Variants in RIMS1 observed in about 807,000 individuals in gnomAD.
RIMS1 encodes the protein regulating synaptic membrane exocytosis 1, also known as regulating synaptic membrane exocytosis protein 1.
In RIMS1, 83 loss-of-function variants were observed where a neutral mutation model predicts 214.1. The observed-to-expected ratio is 0.39, with a 90% CI of 0.32 to 0.47. The LOEUF is 0.47. Ranked by LOEUF, RIMS1 falls within the 20% of genes least tolerant of loss-of-function variation. The probability of loss-of-function intolerance (pLI) is 0.99; values close to 1 mark genes in which losing one functional copy is unlikely to be tolerated. For missense variants in RIMS1, 2,050 were observed against 2,161.8 expected, an observed-to-expected ratio of 0.95 and a Z score of 1.03; for synonymous variants, 793 against 786.8, an observed-to-expected ratio of 1.01 and a Z score of -0.13.
intron 29 of RIMS1, among the ~76,000 whole-genome samples, chr6:72,386,727 CTTTCTTT>C (rs2098609364): frequency 7.0e-6 from 1 of 142,566 alleles, no homozygotes; most frequent in African/African-American, 2.6e-5. Context: ...GTTTCACTGT[CTTTCTTT>C]TTTTTTTTTT....
At chr6:72,065,165 C>T (rs868516690) in intron 2 of RIMS1, among the ~76,000 whole-genome samples, 6 of 152,070 alleles carry the variant, frequency 3.9e-5, no homozygotes, top group Non-Finnish European at 5.9e-5. Flanking sequence ...AAAAAGAGAG[C>T]GATTTGGAGC....
chr6:72,172,732 C>T (rs1459411775), intron 4 of RIMS1, among the ~76,000 whole-genome samples: 2 of 152,192 alleles, frequency 1.3e-5, no homozygotes, highest in African/African-American at 2.4e-5. Context: ...CTCCCTTTAG[C>T]TAAATTCCTT....
intron 4 of RIMS1, among the ~76,000 whole-genome samples, chr6:72,163,094 T>G (rs767538507): frequency 1.4e-5 from 2 of 138,640 alleles, no homozygotes; most frequent in African/African-American, 2.5e-5. Flanking sequence ...TTTCTTTTTA[T>G]TATTTTTTTC....
intron 2 of RIMS1, among the ~76,000 whole-genome samples, chr6:71,985,456 C>T (rs1205345283): frequency 1.3e-5 from 2 of 152,006 alleles, no homozygotes; most frequent in East Asian, 3.9e-4. Flanking sequence ...CACCAACTTC[C>T]TAATTATTTT....
intron 28 of RIMS1, among the ~76,000 whole-genome samples, chr6:72,325,434 A>G (rs1338560070): frequency 1.3e-5 from 2 of 151,144 alleles, no homozygotes; most frequent in East Asian, 3.9e-4. Flanking sequence ...CCACTAAAAG[A>G]ACCTAGAAGT....
intron 29 of RIMS1, among the ~76,000 whole-genome samples, chr6:72,382,791 A>G (rs2098514348): frequency 1.3e-5 from 2 of 152,184 alleles, no homozygotes; most frequent in Admixed American, 6.5e-5. Context: ...TCCTGGCTTG[A>G]AATACAACTA....
At chr6:72,097,229 G>A in intron 3 of RIMS1, 67 bp downstream of exon 3, 1 of 1,329,926 alleles carries the variant, frequency 7.5e-7, no homozygotes, top group Non-Finnish European at 1.1e-6. Context: ...TTCCAAACAT[G>A]AGAACACGTG....
chr6:72,370,298 A>T (rs2098175541), intron 29 of RIMS1, among the ~76,000 whole-genome samples: 1 of 152,230 alleles, frequency 6.6e-6, no homozygotes, highest in South Asian at 2.1e-4. Flanking sequence ...TCCAAATCTC[A>T]GGTATTTCAA....
rs552141228 is a variant in RIMS1 at position 72,345,351 on chromosome 6, TA to T, written c.4366+11520del. ...TATGCATTTGTATTATTAATATTGA[TA>T]AAACCATTAGCAATAATAGTTGTGA... On this transcript the variant is annotated intron_variant, in intron 29 of 33. Coordinates refer to ENST00000521978, the MANE Select transcript of RIMS1 (RefSeq NM_014989.7). Among the ~76,000 whole-genome samples the T allele has an allele frequency of 4.3e-4, 66 of 151,938 alleles. No homozygotes were observed. In the South Asian group the frequency reaches 0.013, roughly 31 times the overall value.
At chr6:72,037,598 A>G (rs1009869479) in intron 2 of RIMS1, among the ~76,000 whole-genome samples, 1 of 152,114 alleles carries the variant, frequency 6.6e-6, no homozygotes, top group African/African-American at 2.4e-5. Context: ...ATGAGTTTGG[A>G]CATATGTGTA....
chr6:72,215,720 G>A (rs570299730), intron 6 of RIMS1, among the ~76,000 whole-genome samples: 9 of 152,172 alleles, frequency 5.9e-5, no homozygotes, highest in East Asian at 1.9e-4. Flanking sequence ...AAGCATAGGC[G>A]GAAGTTTGGG....
intron 2 of RIMS1, among the ~76,000 whole-genome samples, chr6:72,025,035 C>G (rs929110409): frequency 4.6e-5 from 7 of 150,920 alleles, no homozygotes; most frequent in Non-Finnish European, 8.8e-5. Flanking sequence ...CCCAGAGTAG[C>G]TGGGACTACA....
At chr6:72,227,707 A>G (rs1450594337) in intron 6 of RIMS1, among the ~76,000 whole-genome samples, 1 of 151,990 alleles carries the variant, frequency 6.6e-6, no homozygotes, top group African/African-American at 2.4e-5. Flanking sequence ...TCAAACAAAT[A>G]TTTAATCACT....
intron 26 of RIMS1, among the ~76,000 whole-genome samples, 172 bp from the exon 27 acceptor site, chr6:72,307,086 T>G (rs1352980345): frequency 1.3e-5 from 2 of 152,220 alleles, no homozygotes; most frequent in African/African-American, 2.4e-5. Context: ...CATCTTTAGA[T>G]TAACAGTTGC....
chr6:72,310,732 T>C (rs1421058104), intron 27 of RIMS1, among the ~76,000 whole-genome samples: 1 of 152,116 alleles, frequency 6.6e-6, no homozygotes. Flanking sequence ...AATATTAAAT[T>C]GTTACATTCA....
At chr6:72,275,120 GTATA>G (rs10526446) in intron 23 of RIMS1, among the ~76,000 whole-genome samples, 7 of 81,512 alleles carry the variant, frequency 8.6e-5, no homozygotes, top group Non-Finnish European at 1.5e-4. Context: ...CTATTTTATG[GTATA>G]TATATATATA....
chr6:72,277,432 A>T (rs2087082036), intron 23 of RIMS1, among the ~76,000 whole-genome samples: 2 of 152,108 alleles, frequency 1.3e-5, no homozygotes, highest in South Asian at 4.2e-4. Flanking sequence ...ATACAAAAAA[A>T]TTAGCTGGGC....
intron 26 of RIMS1, among the ~76,000 whole-genome samples, chr6:72,306,245 A>ATGCTCACACACACACACG (rs2095148009): frequency 6.6e-6 from 1 of 151,762 alleles, no homozygotes; most frequent in Non-Finnish European, 1.5e-5. Context: ...ACACACACAC[A>ATGCTCACACACACACACG]CGCATGCTCA....
intron 4 of RIMS1, among the ~76,000 whole-genome samples, chr6:72,175,627 C>T (rs963613090): frequency 1.3e-5 from 2 of 151,506 alleles, no homozygotes; most frequent in African/African-American, 4.9e-5. Flanking sequence ...GAGCCAAGAT[C>T]GCGACACTGA....
Sources: gnomAD v4.1 joint callset for allele counts (sites outside exome capture counted in the v4.1 genomes callset) on GRCh38, gnomAD v4.1.1 for gene constraint, MANE v1.5 for transcripts, NCBI Gene and HGNC (gene_info 2026-07-23, HGNC 2026-07-21) for gene names.